The following RYR1 variants were observed in gnomAD, a reference collection of about 807,000 sequenced individuals.
RYR1 encodes central core disease of muscle.
In RYR1, 342 loss-of-function variants were observed where a neutral mutation model predicts 583.5. The observed-to-expected ratio is 0.59, with a 90% CI of 0.54 to 0.64. The LOEUF is 0.64. Among genes scored for constraint, RYR1 ranks in the 30% least tolerant of loss-of-function variants. The pLI is 0.00. For synonymous variants in RYR1, 2,791 were observed against 2,822.5 expected (o/e 0.99, Z 0.35); for missense variants, 6,032 against 6,917.2 (o/e 0.87, Z 4.54).
chr19:38,506,126 G>T (rs1970435889), intron 54 of RYR1, among the ~76,000 whole-genome samples, 177 bp from the exon 55 acceptor site: 1 of 151,772 alleles, frequency 6.6e-6, no homozygotes, highest in Admixed American at 6.6e-5. Context: ...GAACTGCAAA[G>T]GGCAGAGGAG....
chr19:38,585,675 G>T (rs574368158), intron 102 of RYR1, among the ~76,000 whole-genome samples: 183 of 151,800 alleles, frequency 1.2e-3, no homozygotes, highest in African/African-American at 4.1e-3. Context: ...TAGTGAGGGG[G>T]TTTCACCATG....
chr19:38,561,058 G>T lies in RYR1; in HGVS notation c.12283-55G>T. On this transcript the variant is annotated intron_variant, in intron 89 of 105. Transcript: ENST00000359596. The surrounding 1 kb of genome is among the most constrained non-coding windows in gnomAD (Gnocchi z 4.8). The stretch of plus-strand genomic sequence containing the variant: ...CTTGTCTTAAAAAAAAAAAAAAAAA[G>T]AGAGAGAATTGAGGCTCTCCAGGTC... 24 of 1,159,800 alleles carry T rather than the reference G, an allele frequency of 2.1e-5. No individual in the cohort carries two copies. Among genetic ancestry groups the T allele is most frequent in the South Asian group, 2.8e-5 (2 of 70,382 alleles). 71.8% of individuals were successfully genotyped at this position (1,159,800 alleles called of 1,614,324 possible).
At position 38,455,283 on chromosome 19, in the gene RYR1, A is replaced by G. The variant is rs1243615940; in HGVS notation, c.1489A>G (p.Thr497Ala). Residue 497 changes from threonine (T) to alanine (A), a missense_variant, in exon 14 of 106, where the codon ACC becomes GCC. This residue lies in a region of RYR1 where 2,627 missense variants were observed against 2,961.3 expected (regional missense o/e 0.89). Transcript: ENST00000359596. The part of the protein sequence containing the change: ...LNCIDRLNVY[T>A]TAAHFAEFAG... ...TTGCATAGACCGCCTAAATGTCTACACCACTGCTGCCCACTTTGCTGAGTT... is the reference window on the plus strand; with the variant it reads ...TTGCATAGACCGCCTAAATGTCTACGCCACTGCTGCCCACTTTGCTGAGTT... 3 of 1,614,052 alleles carry G rather than the reference A, an allele frequency of 1.9e-6. No individual in the cohort carries two copies. Among genetic ancestry groups the G allele is most frequent in the Admixed American group, 3.3e-5 (2 of 60,010 alleles).
Position 38,473,431 on chromosome 19 carries a change from C to G in RYR1, c.3820C>G (p.Arg1274Gly), listed in dbSNP as rs1425575552. The stretch of plus-strand genomic sequence containing the variant: ...GCCCCCCTGCCTGCGCCTGACCCAC[C>G]GCACCTGGGGCTCCCAGAACAGCCT... ...DTPPCLRLTH[R>G]TWGSQNSLVE... The change falls in exon 28 of 106, where the codon CGC becomes GGC. Residue 1274 changes from arginine to glycine, a missense_variant. Transcript: ENST00000359596. 2.9e-5 allele frequency: 46 copies of G among 1,613,848 alleles called. 1 individual carries two copies. The East Asian group carries it at 1.0e-3, about 36-fold the overall frequency.
intron 60 of RYR1, 110 bp from the exon 61 acceptor site, chr19:38,511,451 C>T: frequency 8.6e-7 from 1 of 1,169,226 alleles, no homozygotes; most frequent in South Asian, 1.2e-5. Flanking sequence ...TGGTTCCTCT[C>T]TCCTTGTCTT....
intron 9 of RYR1, among the ~76,000 whole-genome samples, chr19:38,447,568 G>C (rs1438101372): frequency 1.3e-5 from 2 of 150,004 alleles, no homozygotes; most frequent in African/African-American, 2.5e-5. Flanking sequence ...AAGGCCGGGG[G>C]CGGTGGCTCA....
chr19:38,490,155 A>T lies in RYR1; in HGVS notation c.5894A>T (p.Tyr1965Phe). ...VESLAAFAER[Y>F]VDKLQANQRS... is the part of the protein sequence containing the mutation. ...TCCCTGGCAGCCTTTGCGGAGCGCTATGTGGACAAGCTCCAGGCCAACCAG... is the reference window on the plus strand; with the variant it reads ...TCCCTGGCAGCCTTTGCGGAGCGCTTTGTGGACAAGCTCCAGGCCAACCAG... The change falls in exon 36 of 106, where the codon TAT (tyrosine) becomes TTT (phenylalanine). Residue 1965 changes from tyrosine (Y) to phenylalanine (F), a missense_variant. By Grantham distance (22) the Tyr-to-Phe change is conservative. Transcript: ENST00000359596. The T allele has an allele frequency of 6.2e-7, 1 of 1,614,256 alleles. No individual in the cohort carries two copies. Among genetic ancestry groups the T allele is most frequent in the African/African-American group, 1.3e-5 (1 of 75,080 alleles).
chr19:38,525,578 A>G (rs1201823138), intron 71 of RYR1, 76 bp downstream of exon 71: 7 of 1,502,192 alleles, frequency 4.7e-6, no homozygotes, highest in Non-Finnish European at 6.4e-6. Context: ...ACCTTAGGGA[A>G]CAACCACAAT....
chr19:38,522,993 C>T (rs1971286745), intron 67 of RYR1, 35 bp from the exon 68 acceptor site: 1 of 1,535,672 alleles, frequency 6.5e-7, no homozygotes, highest in Non-Finnish European at 8.8e-7. Flanking sequence ...CTGGGATCCC[C>T]ACCCCCTCCC....
In RYR1 at chr19:38,478,417, CG is replaced by C. The variant is rs766608487; in HGVS notation, c.4455-17del. On this transcript the variant is annotated splice_polypyrimidine_tract_variant and intron_variant, in intron 30 of 105. Transcript: ENST00000359596. ...CTACTCACATGAGGAGTGCAGTGACCGCTTCTGTCTCCTGCAGCCTCAAGTG... is the reference window on the plus strand; with the variant it reads ...CTACTCACATGAGGAGTGCAGTGACCCTTCTGTCTCCTGCAGCCTCAAGTG... The C allele has an allele frequency of 1.5e-4, 241 of 1,611,576 alleles. No homozygotes were observed. Among genetic ancestry groups the C allele is most frequent in the Middle Eastern group, 1.9e-4 (1 of 5,248 alleles).
At position 38,500,734 on chromosome 19, in the gene RYR1, G is replaced by T; in HGVS notation, c.7444+8G>T. 6.2e-7 allele frequency: 1 copy of T among 1,614,172 alleles called. No homozygotes were observed. The highest frequency in any genetic ancestry group is 1.7e-5 in the Admixed American group (1 of 60,020). ...TTCCCACCCTGGGCAAAGGTGCAGA[G>T]GGGATGGAACTTGGCGAAGGAGTGA... On this transcript the variant is annotated splice_region_variant and intron_variant, in intron 46 of 105. Coordinates refer to ENST00000359596, the MANE Select transcript of RYR1 (RefSeq NM_000540.3). This position sits in a 1 kb window ranked among gnomAD's most constrained non-coding sequence, Gnocchi z 5.9.
chr19:38,505,477 T>C (rs1395231128), intron 53 of RYR1, 79 bp downstream of exon 53: 1 of 1,026,996 alleles, frequency 9.7e-7, no homozygotes, highest in East Asian at 2.6e-5. Context: ...AGTGAGGCAA[T>C]TTCACATGTT....
chr19:38,550,937 T>C (rs143080635), intron 89 of RYR1, among the ~76,000 whole-genome samples: 3 of 151,620 alleles, frequency 2.0e-5, no homozygotes, highest in Non-Finnish European at 4.4e-5. Context: ...CTAGGCACCA[T>C]TTTACTGTAA....
chr19:38,543,716 C>G lies in RYR1; in HGVS notation c.11908-55C>G, dbSNP rs1321528243. On this transcript the variant is annotated intron_variant, in intron 86 of 105. Coordinates refer to ENST00000359596, the MANE Select transcript of RYR1 (RefSeq NM_000540.3). The surrounding 1 kb of genome is among the most constrained non-coding windows in gnomAD (Gnocchi z 4.4). ...AAGGGAGGGGGTCCCGCATCGTGAT[C>G]CCTGATCCCTTCTCGGGGATTCCCT... 1 of 1,611,420 alleles carries G rather than the reference C, an allele frequency of 6.2e-7. No individual in the cohort carries two copies. Among genetic ancestry groups the G allele is most frequent in the African/African-American group, 1.3e-5 (1 of 74,930 alleles).
chr19:38,462,869 T>A (rs972596873), intron 20 of RYR1, among the ~76,000 whole-genome samples: 3 of 149,252 alleles, frequency 2.0e-5, no homozygotes, highest in Non-Finnish European at 4.4e-5. Flanking sequence ...CCGTCCCAGA[T>A]AATTCCTTAA....
rs1314192251 is a variant in RYR1 at position 38,528,376 on chromosome 19, T to C, written c.10895T>C (p.Val3632Ala). 1.2e-6 allele frequency: 2 copies of C among 1,614,138 alleles called. No individual in the cohort carries two copies. The highest frequency in any genetic ancestry group is 1.1e-5 in the South Asian group (1 of 91,082). Residue 3632 changes from valine (V) to alanine (A), a missense_variant, in exon 74 of 106, where the codon GTC becomes GCC. Val to Ala is a moderately conservative substitution (Grantham distance 64). Coordinates refer to ENST00000359596, the MANE Select transcript of RYR1 (RefSeq NM_000540.3). ...KLLSKQRRRAVVACFRMTPLY... is the reference protein window; with the variant it reads ...KLLSKQRRRAAVACFRMTPLY... ...TTGTCCAAACAGCGCCGGCGGGCAGTCGTGGCCTGTTTCCGTATGACGCCC... is the reference window on the plus strand; with the variant it reads ...TTGTCCAAACAGCGCCGGCGGGCAGCCGTGGCCTGTTTCCGTATGACGCCC...
Position 38,519,305 on chromosome 19 carries a change from G to A in RYR1, c.10110G>A (p.Gly3370=). 6.2e-7 allele frequency: 1 copy of A among 1,614,102 alleles called. No homozygotes were observed. The highest frequency in any genetic ancestry group is 8.5e-7 in the Non-Finnish European group (1 of 1,179,976). The part of the protein sequence containing the change: ...PTIGRLRKRA[G]KVVSEEEQLR... ...TCGGGCGGCTGCGCAAGAGGGCAGG[G>A]AAGGTGGTGTCCGAGGAGGAGCAGC... is the stretch of plus-strand genomic sequence containing the variant. The change falls in exon 67 of 106, where the codon GGG becomes GGA. Residue 3370 remains glycine, a synonymous_variant. Coordinates refer to ENST00000359596, the MANE Select transcript of RYR1 (RefSeq NM_000540.3).
At chr19:38,537,996 A>C (rs770365324) in intron 84 of RYR1, 36 bp downstream of exon 84, 1 of 1,594,362 alleles carries the variant, frequency 6.3e-7, no homozygotes, top group African/African-American at 1.3e-5. Flanking sequence ...GGGGAAGCCG[A>C]GGTTTGGGGC....
intron 70 of RYR1, among the ~76,000 whole-genome samples, chr19:38,524,481 A>G (rs1971382203): frequency 6.6e-6 from 1 of 152,154 alleles, no homozygotes; most frequent in African/African-American, 2.4e-5. Flanking sequence ...GAGAAGCTGC[A>G]TGTGTGGCCT....
Sources: allele counts gnomAD v4.1 joint callset (sites outside exome capture counted in the v4.1 genomes callset), GRCh38; gene constraint gnomAD v4.1.1; regional missense constraint gnomAD v4.1.1; non-coding constraint Gnocchi (gnomAD v3.1); transcripts MANE v1.5; gene names NCBI Gene and HGNC (gene_info 2026-07-23, HGNC 2026-07-21).